LIN7A: variants seen among roughly 807,000 people sequenced by gnomAD.
LIN7A encodes the protein protein lin-7 homolog A.
Under a neutral mutation model 29.8 loss-of-function variants are expected in LIN7A, and 25 were observed. The observed-to-expected ratio is 0.84, with a 90% CI of 0.61 to 1.17. The LOEUF is 1.17. Ranked by LOEUF, LIN7A falls within the 50% of genes most tolerant of loss-of-function variation. LIN7A has a pLI of 0.00. For missense variants in LIN7A, 239 were observed against 287.0 expected (o/e 0.83, Z 1.21); for synonymous variants, 118 against 107.5 (o/e 1.10, Z -0.60).
rs1388033833 is a variant in LIN7A, at chr12:80,811,695, A to G, written c.484-12T>C. On this transcript the variant is annotated splice_polypyrimidine_tract_variant and intron_variant, in intron 4 of 5. Transcript: ENST00000552864. ...TCTCCTTCCACACTCTGAAAATACA[A>G]TGACACTTCTTAAAGGGAGGAGGTT... The G allele has an allele frequency of 2.5e-6, 4 of 1,593,690 alleles. No individual in the cohort carries two copies. Among genetic ancestry groups the G allele is most frequent in the Admixed American group, 3.4e-5 (2 of 59,614 alleles).
At chr12:80,872,821 A>G (rs1383195370) in intron 2 of LIN7A, among the ~76,000 whole-genome samples, 1 of 152,242 alleles carries the variant, frequency 6.6e-6, no homozygotes, top group Non-Finnish European at 1.5e-5. Flanking sequence ...ATTATTTTCA[A>G]AGAAATTTTT....
At chr12:80,914,480 T>A (rs1370585882) in intron 1 of LIN7A, among the ~76,000 whole-genome samples, 2 of 152,208 alleles carry the variant, frequency 1.3e-5, no homozygotes, top group Non-Finnish European at 2.9e-5. Flanking sequence ...AGTTAATAAA[T>A]ACACCAGTCA....
chr12:80,889,390 A>G (rs1206403098), intron 1 of LIN7A, 21 bp from the exon 2 acceptor site: 1 of 1,397,526 alleles, frequency 7.2e-7, no homozygotes, highest in African/African-American at 1.4e-5. Flanking sequence ...AAAAATGAAA[A>G]TAGAGAAACC....
At chr12:80,811,258 T>C (rs943587287) in intron 5 of LIN7A, among the ~76,000 whole-genome samples, 1 of 152,200 alleles carries the variant, frequency 6.6e-6, no homozygotes, top group African/African-American at 2.4e-5. Context: ...GAATGGCACA[T>C]AAACTATCTT....
In LIN7A at chr12:80,794,041, A is replaced by T. The variant is rs1234474777; in HGVS notation, c.*3686T>A. ...TTTAAAGTAATTAATGAAATTTCAAATTCATACATCTAAAAAGTTTTTATA... is the reference window on the plus strand; with the variant it reads ...TTTAAAGTAATTAATGAAATTTCAATTTCATACATCTAAAAAGTTTTTATA... On this transcript the variant is annotated 3_prime_UTR_variant, in exon 6 of 6. Coordinates refer to ENST00000552864, the MANE Select transcript of LIN7A (RefSeq NM_004664.4). The T allele has an allele frequency of 1.3e-5, 2 of 151,966 alleles. No individual in the cohort carries two copies. Among genetic ancestry groups the T allele is most frequent in the African/African-American group, 4.9e-5 (2 of 41,236 alleles). The allele number at this position is 151,966 out of a possible 1,614,324, so 9.4% of individuals were successfully genotyped here.
chr12:80,933,904 T>G (rs1878060464), intron 1 of LIN7A, among the ~76,000 whole-genome samples: 1 of 152,190 alleles, frequency 6.6e-6, no homozygotes, highest in Non-Finnish European at 1.5e-5. Flanking sequence ...GTGTGTTCAT[T>G]GTGTGACTCT....
Position 80,906,089 on chromosome 12 carries a change from T to C in LIN7A, c.83-16720A>G, listed in dbSNP as rs148625928. ...TAAATTGTATACCTCCATAATAAAA[T>C]TGGTATTTTCATTCTCTTGTCAGTA... On this transcript the variant is annotated intron_variant, in intron 1 of 5. Coordinates refer to ENST00000552864, the MANE Select transcript of LIN7A (RefSeq NM_004664.4). 4.1e-3 allele frequency among the ~76,000 whole-genome samples: 631 copies of C among 152,294 alleles called. 1 individual carries two copies. The highest frequency in any genetic ancestry group is 0.024 in the Middle Eastern group (7 of 294).
At position 80,925,992 on chromosome 12, in the gene LIN7A, A is replaced by G. The variant is rs552754553; in HGVS notation, c.82+11649T>C. Among the ~76,000 whole-genome samples the G allele has an allele frequency of 1.3e-3, 196 of 152,110 alleles. 1 individual carries two copies. Among genetic ancestry groups the G allele is most frequent in the Non-Finnish European group, 2.5e-3 (167 of 68,028 alleles). ...ATTGCTTGCACCCTGCAAGATGATC[A>G]TCATTGCACTAGCTCTTTCCTCTTC... On this transcript the variant is annotated intron_variant, in intron 1 of 5. Transcript: ENST00000552864.
At chr12:80,934,157 T>C (rs927360549) in intron 1 of LIN7A, among the ~76,000 whole-genome samples, 3 of 152,184 alleles carry the variant, frequency 2.0e-5, no homozygotes, top group African/African-American at 7.2e-5. Context: ...ATTGAATGAA[T>C]TAATATTTGC....
intron 5 of LIN7A, among the ~76,000 whole-genome samples, chr12:80,810,660 C>T (rs1274986243): frequency 1.3e-5 from 2 of 152,066 alleles, no homozygotes; most frequent in Non-Finnish European, 2.9e-5. Context: ...TTTGAGGAAC[C>T]TCCATATTGT....
chr12:80,907,762 G>GAAAAAAAAAA (rs1876561049), intron 1 of LIN7A, among the ~76,000 whole-genome samples: 2 of 152,088 alleles, frequency 1.3e-5, no homozygotes, highest in Non-Finnish European at 2.9e-5. Context: ...AATGGAAAAT[G>GAAAAAAAAAA]AAGAATGCTT....
chr12:80,877,966 T>A (rs1308317454), intron 2 of LIN7A, among the ~76,000 whole-genome samples: 1 of 152,208 alleles, frequency 6.6e-6, no homozygotes, highest in African/African-American at 2.4e-5. Flanking sequence ...TCACTCTATC[T>A]GACTGATACA....
chr12:80,928,697 G>A (rs1877734521), intron 1 of LIN7A, among the ~76,000 whole-genome samples: 1 of 152,020 alleles, frequency 6.6e-6, no homozygotes, highest in African/African-American at 2.4e-5. Context: ...TTTAGTTTAA[G>A]TAGATCCCAT....
intron 2 of LIN7A, among the ~76,000 whole-genome samples, chr12:80,848,732 A>G (rs1418088568): frequency 6.6e-6 from 1 of 152,188 alleles, no homozygotes; most frequent in Non-Finnish European, 1.5e-5. Flanking sequence ...TTTAAATAGT[A>G]TACGTAAAAA....
intron 5 of LIN7A, among the ~76,000 whole-genome samples, chr12:80,801,896 A>T (rs1282270095): frequency 3.6e-5 from 5 of 138,932 alleles, no homozygotes; most frequent in Non-Finnish European, 6.0e-5. Flanking sequence ...TATGAGTCTA[A>T]CTTTTTTTTT....
chr12:80,914,912 G>A (rs1482871807), intron 1 of LIN7A, among the ~76,000 whole-genome samples: 3 of 152,056 alleles, frequency 2.0e-5, no homozygotes, highest in Non-Finnish European at 2.9e-5. Flanking sequence ...GCTGGGTGTG[G>A]TGGTGAGCGC....
intron 4 of LIN7A, among the ~76,000 whole-genome samples, chr12:80,826,505 C>T (rs1872085681): frequency 6.6e-6 from 1 of 152,094 alleles, no homozygotes; most frequent in Non-Finnish European, 1.5e-5. Context: ...AATGCTTCTA[C>T]CTATTCCAGC....
chr12:80,922,608 T>C (rs986523437), intron 1 of LIN7A, among the ~76,000 whole-genome samples: 8 of 152,184 alleles, frequency 5.3e-5, no homozygotes, highest in African/African-American at 1.9e-4. Flanking sequence ...TATAATTTAA[T>C]CTGAGATAGT....
intron 5 of LIN7A, among the ~76,000 whole-genome samples, chr12:80,802,467 A>C (rs1870767744): frequency 6.6e-6 from 1 of 152,110 alleles, no homozygotes; most frequent in Admixed American, 6.5e-5. Flanking sequence ...ATTTCAATTC[A>C]TTTGGATATA....
Sources: gnomAD v4.1 joint callset for allele counts (sites outside exome capture counted in the v4.1 genomes callset) on GRCh38, gnomAD v4.1.1 for gene constraint, MANE v1.5 for transcripts, NCBI Gene and HGNC (gene_info 2026-07-23, HGNC 2026-07-21) for gene names.